TRIOBP: variants seen among roughly 807,000 people sequenced by gnomAD.
TRIOBP encodes TRIO and F-actin binding protein, also known as TRIO and F-actin-binding protein.
A neutral mutation model predicts 238.8 loss-of-function variants in TRIOBP; 169 were observed. That is an observed-to-expected ratio of 0.71 (90% CI 0.62 to 0.80). TRIOBP has a LOEUF of 0.80. Ranked by LOEUF, TRIOBP falls within the 30% of genes least tolerant of loss-of-function variation. The probability of loss-of-function intolerance (pLI) is 0.00; values close to 1 mark genes in which losing one functional copy is unlikely to be tolerated. For synonymous variants in TRIOBP, 1,150 were observed against 1,274.4 expected, an observed-to-expected ratio of 0.90 and a Z score of 2.08; for missense variants, 2,838 against 3,122.6, an observed-to-expected ratio of 0.91 and a Z score of 2.17.
At chr22:37,770,280 AC>A (rs1429793925) in intron 21 of TRIOBP, among the ~76,000 whole-genome samples, 5 of 149,120 alleles carry the variant, frequency 3.4e-5, no homozygotes, top group Admixed American at 3.3e-4. Context: ...TACTAAAAAT[AC>A]AAAAAAATTA....
intron 12 of TRIOBP, among the ~76,000 whole-genome samples, chr22:37,752,197 A>G (rs1427412947): frequency 6.6e-6 from 1 of 152,170 alleles, no homozygotes; most frequent in Non-Finnish European, 1.5e-5. Context: ...GGTGGGGCTC[A>G]GGGCGCAGGT....
chr22:37,700,606 G>A (rs1039417303), intron 2 of TRIOBP, among the ~76,000 whole-genome samples: 1 of 152,048 alleles, frequency 6.6e-6, no homozygotes, highest in Non-Finnish European at 1.5e-5. Flanking sequence ...TTGTAGAGAC[G>A]GAGTTTCGCC....
rs201418144 is a variant in TRIOBP at position 37,725,029 on chromosome 22, A to C, written c.2473A>C (p.Arg825=). ...AACTTGTATTCAACAGAACATCCCC[A>C]GATCATCTTCTACCCAACAAGACAA... ...PRTCIQQNIP[R]SSSTQQDNPK... Residue 825 remains arginine, a synonymous_variant, in exon 7 of 24, where the codon AGA becomes CGA. Transcript: ENST00000644935. 1 of 1,614,118 alleles carries C rather than the reference A, an allele frequency of 6.2e-7. No homozygotes were observed. The highest frequency in any genetic ancestry group is 8.5e-7 in the Non-Finnish European group (1 of 1,179,962).
At chr22:37,772,272 G>A (rs965750031) in intron 22 of TRIOBP, among the ~76,000 whole-genome samples, 1 of 152,188 alleles carries the variant, frequency 6.6e-6, no homozygotes, top group African/African-American at 2.4e-5. Flanking sequence ...TACCGCACTT[G>A]AAGAACAGGT....
Position 37,714,596 on chromosome 22 carries a change from G to A in TRIOBP, c.457-1167G>A, listed in dbSNP as rs147994180. On this transcript the variant is annotated intron_variant, in intron 5 of 23. Coordinates refer to ENST00000644935, the MANE Select transcript of TRIOBP (RefSeq NM_001039141.3). Reference sequence around the variant, plus strand: ...AGACAGGAGAATCGCTTGAACCCGGGAGGTTGCAGTGAGCTTAGATTGCAC... The same window carrying A: ...AGACAGGAGAATCGCTTGAACCCGGAAGGTTGCAGTGAGCTTAGATTGCAC... 7.5e-4 allele frequency among the ~76,000 whole-genome samples: 114 copies of A among 152,234 alleles called. No homozygotes were observed. In the East Asian group the frequency reaches 0.021, roughly 28 times the overall value.
Position 37,776,373 on chromosome 22 carries a change from C to A in TRIOBP, c.*2593C>A, listed in dbSNP as rs15691. On this transcript the variant is annotated 3_prime_UTR_variant, in exon 24 of 24. Coordinates refer to ENST00000644935, the MANE Select transcript of TRIOBP (RefSeq NM_001039141.3). Reference sequence around the variant, plus strand: ...TGTTGCACCCACGGCAGGAAACTGACCAGCTTCTCATCAAGTTAAATACGC... The same window carrying A: ...TGTTGCACCCACGGCAGGAAACTGAACAGCTTCTCATCAAGTTAAATACGC... 38,104 of 152,102 alleles carry A rather than the reference C, an allele frequency of 0.25. 5,710 individuals are homozygous for A. The highest frequency in any genetic ancestry group is 0.41 in the South Asian group (1,963 of 4,820). The allele number at this position is 152,102 out of a possible 1,614,324, so 9.4% of individuals were successfully genotyped here. A position where few individuals can be genotyped will look rare whatever the true frequency, so the allele number is the denominator to read the frequency against.
chr22:37,735,631 C>T (rs1480093393), intron 9 of TRIOBP, among the ~76,000 whole-genome samples, 189 bp downstream of exon 9: 1 of 152,236 alleles, frequency 6.6e-6, no homozygotes, highest in Admixed American at 6.5e-5. Context: ...ATGAGCAACA[C>T]AGTTTTAAGC....
Position 37,710,026 on chromosome 22 carries a change from G to A in TRIOBP, c.115-401G>A, listed in dbSNP as rs1923152055. Among the ~76,000 whole-genome samples the A allele has an allele frequency of 2.6e-5, 4 of 152,170 alleles. No homozygotes were observed. The South Asian group carries it at 8.3e-4, about 31-fold the overall frequency. ...CCTGGTGGATCCTTCTATCCACCTC[G>A]TTCTGGGGCGCACGCACATACATGC... On this transcript the variant is annotated intron_variant, in intron 3 of 23. Transcript: ENST00000644935.
chr22:37,710,820 A>C (rs1301152374), intron 4 of TRIOBP, among the ~76,000 whole-genome samples: 1 of 152,148 alleles, frequency 6.6e-6, no homozygotes, highest in Non-Finnish European at 1.5e-5. Flanking sequence ...TGTCTCTCCC[A>C]GGGGCCCTGC....
intron 7 of TRIOBP, among the ~76,000 whole-genome samples, chr22:37,728,442 GA>G (rs973345851): frequency 1.3e-5 from 2 of 151,546 alleles, no homozygotes; most frequent in Non-Finnish European, 2.9e-5. Context: ...CTCAAAAAAA[GA>G]AAAAAAAGAA....
chr22:37,708,617 T>C (rs553438536), intron 3 of TRIOBP, among the ~76,000 whole-genome samples: 5 of 152,370 alleles, frequency 3.3e-5, no homozygotes, highest in African/African-American at 1.2e-4. Flanking sequence ...AGGTGGGTCC[T>C]GCTATCCTGC....
At chr22:37,739,269 G>C (rs1342281338) in intron 10 of TRIOBP, among the ~76,000 whole-genome samples, 1 of 152,156 alleles carries the variant, frequency 6.6e-6, no homozygotes, top group Non-Finnish European at 1.5e-5. Context: ...GACTGTTCTC[G>C]TCACCCTCAG....
At position 37,769,573 on chromosome 22, in the gene TRIOBP, A is replaced by G. The variant is rs556784896; in HGVS notation, c.6849+198A>G. ...CCCTCCCACCTGCATTGTGTCACCT[A>G]CCTGCCGTGTACCATAGCAAATCAC... On this transcript the variant is annotated intron_variant, in intron 21 of 23. Transcript: ENST00000644935. Among the ~76,000 whole-genome samples, 6 of 152,200 alleles carry G rather than the reference A, an allele frequency of 3.9e-5. No homozygotes were observed. In the East Asian group the frequency reaches 9.6e-4, roughly 24 times the overall value.
chr22:37,772,451 C>T (rs900307875), intron 22 of TRIOBP, 150 bp from the exon 23 acceptor site: 14 of 1,060,630 alleles, frequency 1.3e-5, no homozygotes, highest in Middle Eastern at 5.6e-4. Flanking sequence ...GAGGGGTAAG[C>T]CCAGAACCCA....
chr22:37,743,387 T>C (rs1925036979), intron 11 of TRIOBP, among the ~76,000 whole-genome samples: 1 of 152,122 alleles, frequency 6.6e-6, no homozygotes, highest in African/African-American at 2.4e-5. Flanking sequence ...AACCTCGAAG[T>C]TTGGTAGCTC....
At position 37,724,474 on chromosome 22, in the gene TRIOBP, A is replaced by C; in HGVS notation, c.1918A>C (p.Asn640His). The C allele has an allele frequency of 1.2e-6, 2 of 1,611,398 alleles. No homozygotes were observed. Among genetic ancestry groups the C allele is most frequent in the Non-Finnish European group, 1.7e-6 (2 of 1,179,066 alleles). Residue 640 changes from asparagine (N) to histidine (H), a missense_variant, in exon 7 of 24, where the codon AAC becomes CAC. Around this residue, in one of 5 missense-constraint regions of TRIOBP, gnomAD observed 167 missense variants for 200.2 expected, o/e 0.83. Coordinates refer to ENST00000644935, the MANE Select transcript of TRIOBP (RefSeq NM_001039141.3). Reference sequence around the variant, plus strand: ...GGACAATCCCAGAGCCTCCTCTCCCAACAGAACCACCCAACAAGACAGCCC... The same window carrying C: ...GGACAATCCCAGAGCCTCCTCTCCCCACAGAACCACCCAACAAGACAGCCC... ...QRDNPRASSP[N>H]RTTQQDSPRT...
intron 17 of TRIOBP, among the ~76,000 whole-genome samples, chr22:37,764,076 A>G (rs1926372100): frequency 6.6e-6 from 1 of 151,946 alleles, no homozygotes; most frequent in African/African-American, 2.4e-5. Flanking sequence ...CCCTTCGTCC[A>G]CTTTTAAGGA....
At chr22:37,760,849 G>C (rs1226116590) in intron 17 of TRIOBP, among the ~76,000 whole-genome samples, 7 of 151,970 alleles carry the variant, frequency 4.6e-5, no homozygotes, top group African/African-American at 1.5e-4. Context: ...GGTGCGCACT[G>C]TAGTCCCAGC....
chr22:37,746,251 A>AG, intron 11 of TRIOBP: 1 of 1,062,032 alleles, frequency 9.4e-7, no homozygotes, highest in South Asian at 4.2e-5. Context: ...GGCGGATGGA[A>AG]GGGGCCGGGG....
Sources: gnomAD v4.1 joint callset for allele counts (sites outside exome capture counted in the v4.1 genomes callset) on GRCh38, gnomAD v4.1.1 for gene constraint, gnomAD v4.1.1 regional missense constraint, MANE v1.5 for transcripts, NCBI Gene and HGNC (gene_info 2026-07-23, HGNC 2026-07-21) for gene names.